SOX5: variants seen among roughly 807,000 people sequenced by gnomAD.
SOX5 encodes transcription factor SOX-5.
Under a neutral mutation model 92.0 loss-of-function variants are expected in SOX5, and 9 were observed. The observed-to-expected ratio is 0.10, with a 90% CI of 0.06 to 0.17. The LOEUF is 0.17. SOX5 is among the 10% of genes least tolerant of loss of function. SOX5 has a pLI of 1.00. For missense variants in SOX5, 642 were observed against 944.5 expected (o/e 0.68, Z 4.20); for synonymous variants, 344 against 336.3 (o/e 1.02, Z -0.25).
chr12:24,352,068 C>T (rs1329416811), intron 2 of SOX5, among the ~76,000 whole-genome samples: 1 of 152,072 alleles, frequency 6.6e-6, no homozygotes, highest in Non-Finnish European at 1.5e-5. Context: ...CAAAGAAGTC[C>T]CACATTGTGT....
At chr12:24,094,885 T>C (rs574107143) in intron 4 of SOX5, among the ~76,000 whole-genome samples, 8 of 152,118 alleles carry the variant, frequency 5.3e-5, no homozygotes, top group Non-Finnish European at 1.2e-4. Flanking sequence ...AGCTTTATAA[T>C]AAGTCATGAT....
chr12:23,967,068 T>C (rs1342868810), intron 4 of SOX5, among the ~76,000 whole-genome samples: 1 of 152,142 alleles, frequency 6.6e-6, no homozygotes, highest in Non-Finnish European at 1.5e-5. Flanking sequence ...ATGCATAGCA[T>C]AAGAAATGAA....
At chr12:24,458,158 G>GT (rs546799398) in intron 1 of SOX5, among the ~76,000 whole-genome samples, 3 of 152,054 alleles carry the variant, frequency 2.0e-5, no homozygotes, top group South Asian at 2.1e-4. Flanking sequence ...CTCAGTGTCT[G>GT]TTTTTTTAAA....
At chr12:24,308,203 C>T (rs1259170682) in intron 2 of SOX5, among the ~76,000 whole-genome samples, 2 of 152,114 alleles carry the variant, frequency 1.3e-5, no homozygotes, top group Non-Finnish European at 2.9e-5. Flanking sequence ...CGTAGAACTC[C>T]AGTGAACACA....
At chr12:24,059,756 T>C (rs992304238) in intron 4 of SOX5, among the ~76,000 whole-genome samples, 5 of 152,138 alleles carry the variant, frequency 3.3e-5, no homozygotes, top group African/African-American at 9.7e-5. Context: ...TCATTTAAAG[T>C]GCAACCCACA....
At chr12:24,269,688 C>CTT (rs58098308) in intron 3 of SOX5, among the ~76,000 whole-genome samples, 2,521 of 116,692 alleles carry the variant, frequency 0.022, 91 homozygotes, top group East Asian at 0.086. Context: ...TATTTTTATT[C>CTT]TTTTTTTTTT....
chr12:23,941,424 A>G (rs1286172243), intron 1 of SOX5, among the ~76,000 whole-genome samples: 1 of 151,600 alleles, frequency 6.6e-6, no homozygotes, highest in Non-Finnish European at 1.5e-5. Context: ...AAGTAATGCT[A>G]ACATTTTTAG....
intron 2 of SOX5, among the ~76,000 whole-genome samples, chr12:24,314,625 A>C (rs761868236): frequency 6.6e-6 from 1 of 152,216 alleles, no homozygotes; most frequent in African/African-American, 2.4e-5. Context: ...TCTCATTCAG[A>C]GTCAAGGAAA....
intron 3 of SOX5, among the ~76,000 whole-genome samples, chr12:24,215,053 C>G (rs1239170066): frequency 6.6e-6 from 1 of 151,938 alleles, no homozygotes; most frequent in East Asian, 1.9e-4. Flanking sequence ...AATCCAACAC[C>G]CTGCTTTAAA....
chr12:23,892,708 A>T (rs2097140664), intron 2 of SOX5, among the ~76,000 whole-genome samples: 1 of 152,218 alleles, frequency 6.6e-6, no homozygotes, highest in Non-Finnish European at 1.5e-5. Context: ...AACTAATTAA[A>T]AATATAAGAG....
intron 4 of SOX5, among the ~76,000 whole-genome samples, chr12:24,118,866 T>C (rs898951399): frequency 6.6e-6 from 1 of 152,166 alleles, no homozygotes; most frequent in Non-Finnish European, 1.5e-5. Context: ...ATGTGTTCTA[T>C]TAATACCAGC....
intron 2 of SOX5, among the ~76,000 whole-genome samples, chr12:23,867,311 T>C (rs1281993393): frequency 6.6e-6 from 1 of 152,110 alleles, no homozygotes; most frequent in African/African-American, 2.4e-5. Flanking sequence ...CACAAACCTG[T>C]TGTTCTTTTT....
intron 4 of SOX5, among the ~76,000 whole-genome samples, chr12:24,058,477 C>T (rs1211825009): frequency 6.6e-6 from 1 of 152,184 alleles, no homozygotes; most frequent in Non-Finnish European, 1.5e-5. Flanking sequence ...TCACTTCTGT[C>T]TCTAGGATGC....
Position 23,791,442 on chromosome 12 carries a change from C to G in SOX5, c.482-35718G>C, listed in dbSNP as rs150013332. On this transcript the variant is annotated intron_variant, in intron 3 of 14. Coordinates refer to ENST00000451604, the MANE Select transcript of SOX5 (RefSeq NM_006940.6). ...TCAGCACCCGGAGTAGCTGCATAAG[C>G]ATGTGCCACTGCACGGGCTTTAGTT... Among the ~76,000 whole-genome samples the G allele has an allele frequency of 2.6e-3, 392 of 152,298 alleles. 1 individual carries two copies. The highest frequency in any genetic ancestry group is 4.5e-3 in the Non-Finnish European group (306 of 68,022).
At chr12:24,046,347 T>C (rs1957024572) in intron 4 of SOX5, among the ~76,000 whole-genome samples, 1 of 152,208 alleles carries the variant, frequency 6.6e-6, no homozygotes, top group Admixed American at 6.5e-5. Context: ...GAGCCTTTTT[T>C]TTCCCTTTCC....
intron 2 of SOX5, among the ~76,000 whole-genome samples, chr12:24,289,219 T>G (rs974314160): frequency 6.6e-6 from 1 of 151,602 alleles, no homozygotes; most frequent in Non-Finnish European, 1.5e-5. Flanking sequence ...AGGAGGAGGC[T>G]GCAGTGAGCC....
chr12:23,901,257 T>C (rs527563187), intron 1 of SOX5, among the ~76,000 whole-genome samples: 1 of 152,218 alleles, frequency 6.6e-6, no homozygotes, highest in South Asian at 2.1e-4. Context: ...AGGCAGCCTC[T>C]ACAAGCTAGA....
chr12:24,105,289 C>A (rs763806823), intron 4 of SOX5, among the ~76,000 whole-genome samples: 2 of 151,902 alleles, frequency 1.3e-5, no homozygotes, highest in Non-Finnish European at 2.9e-5. Flanking sequence ...GCCTGTAATC[C>A]CAGCATTTTG....
intron 4 of SOX5, among the ~76,000 whole-genome samples, chr12:23,970,841 A>ATATATATATTT: frequency 4.6e-5 from 1 of 21,876 alleles, no homozygotes; most frequent in African/African-American, 1.2e-4. Flanking sequence ...TATATATATA[A>ATATATATATTT]TTTTTTTTTT....
Sources: allele counts gnomAD v4.1 joint callset (sites outside exome capture counted in the v4.1 genomes callset), GRCh38; gene constraint gnomAD v4.1.1; transcripts MANE v1.5; gene names NCBI Gene and HGNC (gene_info 2026-07-23, HGNC 2026-07-21).